The following FUT9 variants were observed in gnomAD, a reference collection of about 807,000 sequenced individuals.
FUT9 encodes the protein 4-galactosyl-N-acetylglucosaminide 3-alpha-L-fucosyltransferase 9.
Under a neutral mutation model 29.7 loss-of-function variants are expected in FUT9, and 15 were observed. The observed-to-expected ratio is 0.51, with a 90% CI of 0.34 to 0.78. The LOEUF (loss-of-function observed/expected upper bound fraction) is 0.78. FUT9 is among the 30% of genes least tolerant of loss of function. FUT9 has a pLI of 0.01. For missense variants in FUT9, 319 were observed against 425.4 expected (o/e 0.75, Z 2.20); for synonymous variants, 169 against 153.7 (o/e 1.10, Z -0.74).
intron 1 of FUT9, among the ~76,000 whole-genome samples, chr6:96,054,752 C>T (rs1770732536): frequency 6.6e-6 from 1 of 152,076 alleles, no homozygotes; most frequent in African/African-American, 2.4e-5. Context: ...GTCCTAATCC[C>T]TTTGTATTTC....
At chr6:96,061,227 A>C (rs1343985589) in intron 1 of FUT9, among the ~76,000 whole-genome samples, 2 of 149,934 alleles carry the variant, frequency 1.3e-5, no homozygotes, top group African/African-American at 4.9e-5. Context: ...TGATATTATC[A>C]TTCTAGTATT....
At chr6:96,122,462 C>A (rs72931919) in intron 2 of FUT9, among the ~76,000 whole-genome samples, 6,196 of 152,204 alleles carry the variant, frequency 0.041, 176 homozygotes, top group South Asian at 0.12. Context: ...ATCCAACCAC[C>A]ACAGAAATTC....
chr6:96,149,960 T>C (rs137888429), intron 2 of FUT9, among the ~76,000 whole-genome samples: 5 of 152,290 alleles, frequency 3.3e-5, no homozygotes, highest in African/African-American at 1.2e-4. Flanking sequence ...TAATTGTATT[T>C]TCATACTCAT....
At chr6:96,076,885 TAAAC>T (rs1771149326) in intron 1 of FUT9, among the ~76,000 whole-genome samples, 1 of 152,186 alleles carries the variant, frequency 6.6e-6, no homozygotes. Flanking sequence ...ATATATCAGA[TAAAC>T]AAATAGACTG....
chr6:96,151,210 T>A (rs1278768202), intron 2 of FUT9, among the ~76,000 whole-genome samples: 8 of 152,222 alleles, frequency 5.3e-5, no homozygotes, highest in Non-Finnish European at 1.2e-4. Flanking sequence ...GAGGCTTTAA[T>A]TCTTTGATTA....
At chr6:96,101,979 C>A (rs1431859946) in intron 1 of FUT9, among the ~76,000 whole-genome samples, 1 of 151,914 alleles carries the variant, frequency 6.6e-6, no homozygotes, top group African/African-American at 2.4e-5. Flanking sequence ...TTACTTATTT[C>A]ATTTGATATC....
intron 1 of FUT9, among the ~76,000 whole-genome samples, chr6:96,049,399 C>T (rs1027551666): frequency 6.6e-6 from 1 of 152,188 alleles, no homozygotes; most frequent in Non-Finnish European, 1.5e-5. Flanking sequence ...AGACTAAAAA[C>T]ATTTATACAC....
chr6:96,124,604 C>A (rs1329391952), intron 2 of FUT9, among the ~76,000 whole-genome samples: 1 of 151,802 alleles, frequency 6.6e-6, no homozygotes, highest in Non-Finnish European at 1.5e-5. Flanking sequence ...GGCTTCTAGT[C>A]TCCTCCCAGA....
chr6:96,144,227 T>C (rs1582264686), intron 2 of FUT9, among the ~76,000 whole-genome samples: 1 of 4,638 alleles, frequency 2.2e-4, no homozygotes, highest in African/African-American at 2.2e-4. Context: ...CCTTAGTGAT[T>C]TTTTTTTCCA....
intron 1 of FUT9, among the ~76,000 whole-genome samples, chr6:96,104,623 C>T (rs1283264143): frequency 6.6e-6 from 1 of 151,714 alleles, no homozygotes; most frequent in African/African-American, 2.4e-5. Context: ...CTCCGCTTTC[C>T]AGGTTCATGC....
chr6:96,063,581 A>G (rs1354945717), intron 1 of FUT9, among the ~76,000 whole-genome samples: 1 of 152,188 alleles, frequency 6.6e-6, no homozygotes, highest in African/African-American at 2.4e-5. Context: ...ACATTTCAAC[A>G]TGAGATTTAG....
rs190221781 is a variant in FUT9 at position 96,058,940 on chromosome 6, T to A, written c.-98+42728T>A. The stretch of plus-strand genomic sequence containing the variant: ...TTTTATATTGGGACTAATGATATGT[T>A]AAACAATCTGATGTATCACTTTAGA... On this transcript the variant is annotated intron_variant, in intron 1 of 2. Transcript: ENST00000302103. 9.1e-3 allele frequency among the ~76,000 whole-genome samples: 1,384 copies of A among 152,318 alleles called. 10 individuals carry two copies. The highest frequency in any genetic ancestry group is 0.024 in the Middle Eastern group (7 of 294).
chr6:96,170,427 CATATTA>C (rs1435519554), intron 2 of FUT9, among the ~76,000 whole-genome samples: 2 of 151,954 alleles, frequency 1.3e-5, no homozygotes, highest in South Asian at 4.2e-4. Context: ...AAAATATACC[CATATTA>C]ATAAGTTAGG....
intron 2 of FUT9, among the ~76,000 whole-genome samples, chr6:96,119,717 A>G (rs1771983690): frequency 1.3e-5 from 2 of 152,206 alleles, no homozygotes; most frequent in South Asian, 2.1e-4. Context: ...TGCAATTTTT[A>G]TAAGTAAGTG....
chr6:96,018,667 T>C (rs934970252), intron 1 of FUT9, among the ~76,000 whole-genome samples: 2 of 152,090 alleles, frequency 1.3e-5, no homozygotes, highest in African/African-American at 4.8e-5. Context: ...TAAATATAAA[T>C]TAAACATTAT....
chr6:96,093,056 C>A (rs1431716396), intron 1 of FUT9, among the ~76,000 whole-genome samples: 4 of 152,144 alleles, frequency 2.6e-5, no homozygotes, highest in Admixed American at 6.6e-5. Context: ...GCATGAGCCA[C>A]CTTACCCAGC....
In FUT9 at chr6:96,169,649, T is replaced by G. The variant is rs558036475; in HGVS notation, c.-8-33499T>G. ...ATGTAAGTCTTTCGCTCTTTAGGTT[T>G]TTTAAAATCAAAGAACTATTCTAAA... On this transcript the variant is annotated intron_variant, in intron 2 of 2. Transcript: ENST00000302103. Among the ~76,000 whole-genome samples the G allele has an allele frequency of 2.0e-5, 3 of 152,286 alleles. No individual in the cohort carries two copies. The South Asian group carries it at 6.2e-4, about 32-fold the overall frequency.
chr6:96,104,260 G>T (rs1771638256), intron 1 of FUT9, among the ~76,000 whole-genome samples: 1 of 152,086 alleles, frequency 6.6e-6, no homozygotes, highest in South Asian at 2.1e-4. Flanking sequence ...GAAATGAAAA[G>T]GATACTTAAG....
At chr6:96,138,412 T>C (rs530409320) in intron 2 of FUT9, among the ~76,000 whole-genome samples, 8 of 152,030 alleles carry the variant, frequency 5.3e-5, no homozygotes, top group African/African-American at 1.2e-4. Flanking sequence ...AGAAAAATTA[T>C]GGCTTTCCAA....
Sources: allele counts gnomAD v4.1 joint callset (sites outside exome capture counted in the v4.1 genomes callset), GRCh38; gene constraint gnomAD v4.1.1; transcripts MANE v1.5; gene names NCBI Gene and HGNC (gene_info 2026-07-23, HGNC 2026-07-21).